GLB1: variants seen among roughly 807,000 people sequenced by gnomAD.
The protein encoded by GLB1 is beta-galactosidase.
In GLB1, 56 loss-of-function variants were observed where a neutral mutation model predicts 74.0. That is an observed-to-expected ratio of 0.76 (90% CI 0.61 to 0.94). The LOEUF (loss-of-function observed/expected upper bound fraction) is 0.94. GLB1 is among the 40% of genes least tolerant of loss of function. The pLI, the probability that GLB1 is intolerant of heterozygous loss-of-function variation, is 0.00. For missense variants in GLB1, 787 were observed against 845.5 expected (o/e 0.93, Z 0.86); for synonymous variants, 323 against 323.6 (o/e 1.00, Z 0.02).
chr3:32,973,013 C>T, the GLB1 span, among the ~76,000 whole-genome samples: 1 of 152,218 alleles, frequency 6.6e-6, no homozygotes, highest in Non-Finnish European at 1.5e-5. Context: ...TGATGTAATG[C>T]ATGTCTCAAT....
At chr3:32,982,516 C>A in the GLB1 span, among the ~76,000 whole-genome samples, 5 of 151,744 alleles carry the variant, frequency 3.3e-5, no homozygotes, top group South Asian at 2.1e-4. Context: ...ACAAAAAAAA[C>A]CACAAAGACA....
chr3:33,081,263 G>T (rs749743199), intron 1 of GLB1, among the ~76,000 whole-genome samples: 14 of 152,176 alleles, frequency 9.2e-5, no homozygotes, highest in Non-Finnish European at 2.9e-5. Flanking sequence ...GGGGTCACTG[G>T]GAATGGATCT....
At chr3:33,090,956 A>T (rs986327652) in intron 1 of GLB1, 28 of 985,290 alleles carry the variant, frequency 2.8e-5, no homozygotes, top group South Asian at 4.7e-5. Flanking sequence ...ATGAAAGCTA[A>T]TTTCATCAAG....
intron 6 of GLB1, among the ~76,000 whole-genome samples, chr3:33,057,555 A>G (rs1384257363): frequency 6.6e-6 from 1 of 152,212 alleles, no homozygotes. Context: ...TAGCCTTTGT[A>G]GCATCTGCCA....
At chr3:32,978,410 G>A in the GLB1 span, among the ~76,000 whole-genome samples, 1 of 152,010 alleles carries the variant, frequency 6.6e-6, no homozygotes, top group Non-Finnish European at 1.5e-5. Context: ...CAAATTTCCT[G>A]TTTCAATTGT....
chr3:33,045,165 A>G (rs1475700266), intron 10 of GLB1: 1 of 234,722 alleles, frequency 4.3e-6, no homozygotes, highest in Non-Finnish European at 7.0e-6. Context: ...GTTCTTTTCA[A>G]GCTTTACAGC....
downstream of GLB1, among the ~76,000 whole-genome samples, chr3:32,993,967 C>T (rs1696265500): frequency 6.6e-6 from 1 of 152,146 alleles, no homozygotes; most frequent in African/African-American, 2.4e-5. Flanking sequence ...AATTCTGCCT[C>T]CTCTTCATTA....
At chr3:33,009,851 G>A (rs1696949207) in intron 15 of GLB1, among the ~76,000 whole-genome samples, 1 of 152,162 alleles carries the variant, frequency 6.6e-6, no homozygotes, top group Admixed American at 6.5e-5. Context: ...TCATATAAAT[G>A]GAGTCATACA....
chr3:32,965,129 G>A, the GLB1 span, among the ~76,000 whole-genome samples: 1 of 152,172 alleles, frequency 6.6e-6, no homozygotes, highest in Non-Finnish European at 1.5e-5. Context: ...GACTAATACA[G>A]TAAATTGGTA....
the GLB1 span, among the ~76,000 whole-genome samples, chr3:32,984,506 G>A: frequency 6.6e-6 from 1 of 152,160 alleles, no homozygotes; most frequent in African/African-American, 2.4e-5. Flanking sequence ...GGCTGGTTGT[G>A]GTGGGTCATG....
chr3:33,035,045 A>G (rs147351651), intron 10 of GLB1, among the ~76,000 whole-genome samples: 61 of 152,304 alleles, frequency 4.0e-4, no homozygotes, highest in Admixed American at 7.2e-4. Context: ...CACTAAATAA[A>G]GTCATATTGC....
At chr3:33,077,151 T>G in intron 1 of GLB1, 1 of 1,447,430 alleles carries the variant, frequency 6.9e-7, no homozygotes, top group Non-Finnish European at 9.2e-7. Flanking sequence ...GCTCATTCGG[T>G]GCAGTCTTGG....
intron 1 of GLB1, chr3:33,090,481 C>T: frequency 4.1e-6 from 4 of 985,392 alleles, no homozygotes; most frequent in Non-Finnish European, 4.8e-6. Flanking sequence ...TCATATACTA[C>T]AGACACTATT....
At chr3:33,073,339 T>C (rs1273270439) in intron 1 of GLB1, among the ~76,000 whole-genome samples, 1 of 152,176 alleles carries the variant, frequency 6.6e-6, no homozygotes, top group African/African-American at 2.4e-5. Flanking sequence ...TTGTGGGCCA[T>C]GACCTGATTT....
intron 10 of GLB1, among the ~76,000 whole-genome samples, chr3:33,029,075 A>G (rs1697898212): frequency 2.0e-5 from 3 of 152,064 alleles, no homozygotes; most frequent in Admixed American, 2.0e-4. Flanking sequence ...CAATTTTCTA[A>G]CTTTTCATTT....
At chr3:33,020,419 G>T (rs748122134) in intron 12 of GLB1, among the ~76,000 whole-genome samples, 3 of 152,202 alleles carry the variant, frequency 2.0e-5, no homozygotes, top group Non-Finnish European at 4.4e-5. Flanking sequence ...CCTAAGTGAT[G>T]AAGCTTAACA....
intron 1 of GLB1, among the ~76,000 whole-genome samples, chr3:33,074,370 AAGGAAGGAAGGAAGGAAGG>A (rs1559412879): frequency 1.1e-4 from 14 of 124,706 alleles, no homozygotes; most frequent in African/African-American, 3.7e-4. Flanking sequence ...GGAAGGAAGG[AAGGAAGGAAGGAAGGAAGG>A]AAGAAAGAAA....
At chr3:32,967,900 A>G in the GLB1 span, among the ~76,000 whole-genome samples, 2 of 152,144 alleles carry the variant, frequency 1.3e-5, no homozygotes, top group East Asian at 1.9e-4. Context: ...CTCTTCAGGA[A>G]CCACGGTAAG....
At chr3:33,046,341 T>C (rs933280340) in intron 9 of GLB1, 109 bp from the exon 10 acceptor site, 25 of 1,281,716 alleles carry the variant, frequency 2.0e-5, no homozygotes, top group Admixed American at 9.8e-5. Context: ...AGAAGACACA[T>C]TAAAACCACT....
Sources: allele counts gnomAD v4.1 joint callset (sites outside exome capture counted in the v4.1 genomes callset), GRCh38; gene constraint gnomAD v4.1.1; transcripts MANE v1.5; gene names NCBI Gene and HGNC (gene_info 2026-07-23, HGNC 2026-07-21).